KDR: variants seen among roughly 807,000 people sequenced by gnomAD.
KDR encodes vascular endothelial growth factor receptor 2.
Under a neutral mutation model 160.9 loss-of-function variants are expected in KDR, and 43 were observed. That is an observed-to-expected ratio of 0.27 (90% CI 0.21 to 0.34). The LOEUF is 0.34. KDR is among the 10% of genes least tolerant of loss of function. The pLI is 1.00. For missense variants in KDR, 1,469 were observed against 1,666.4 expected (o/e 0.88, Z 2.06); for synonymous variants, 617 against 600.1 (o/e 1.03, Z -0.41).
chr4:55,101,820 A>G, intron 15 of KDR, 77 bp downstream of exon 15: 1 of 1,265,422 alleles, frequency 7.9e-7, no homozygotes, highest in Non-Finnish European at 1.1e-6. Context: ...GCTGCAAAGG[A>G]CATGATCAGA....
chr4:55,108,795 T>G (rs1338088188), intron 9 of KDR, among the ~76,000 whole-genome samples: 1 of 152,098 alleles, frequency 6.6e-6, no homozygotes. Flanking sequence ...CTTTCTTTCT[T>G]TTTTGACTCC....
In KDR at chr4:55,114,135, A is replaced by C; in HGVS notation, c.789T>G (p.Pro263=). Residue 263 remains proline, a synonymous_variant, in exon 6 of 30, where the codon CCT becomes CCG. Coordinates refer to ENST00000263923, the MANE Select transcript of KDR (RefSeq NM_002253.4). The stretch of plus-strand genomic sequence containing the variant: ...GAATCATTAGCGTTACCTTCGAAGA[A>C]GGGTATTCCCAGTTGAAGTCAATCC... ...NVGIDFNWEY[P]SSKHQHKKLV... 1 of 1,614,026 alleles carries C rather than the reference A, an allele frequency of 6.2e-7. No homozygotes were observed. The highest frequency in any genetic ancestry group is 8.5e-7 in the Non-Finnish European group (1 of 1,179,894).
At chr4:55,113,168 G>A in intron 7 of KDR, 136 bp downstream of exon 7, 2 of 902,028 alleles carry the variant, frequency 2.2e-6, no homozygotes, top group African/African-American at 1.6e-5. Context: ...TGACCTCTAG[G>A]TCATGTGGCC....
At chr4:55,125,076 C>G (rs1720996717) in intron 1 of KDR, 151 bp downstream of exon 1, 1 of 774,946 alleles carries the variant, frequency 1.3e-6, no homozygotes, top group South Asian at 1.5e-5. Flanking sequence ...AGTCTCTGAG[C>G]CTCAGTTTCC....
chr4:55,118,587 T>C lies in KDR; in HGVS notation c.358+17A>G, dbSNP rs775110158. Reference sequence around the variant, plus strand: ...TGGTAAAGAGACGTGGGAAATGAATTTTATTTCACCACTTACCTTGAACAT... The same window carrying C: ...TGGTAAAGAGACGTGGGAAATGAATCTTATTTCACCACTTACCTTGAACAT... On this transcript the variant is annotated intron_variant, in intron 3 of 29. Transcript: ENST00000263923. 2 of 1,602,576 alleles carry C rather than the reference T, an allele frequency of 1.2e-6. No homozygotes were observed. Among genetic ancestry groups the C allele is most frequent in the East Asian group, 4.5e-5 (2 of 44,822 alleles).
intron 15 of KDR, among the ~76,000 whole-genome samples, chr4:55,101,275 A>G (rs1720303999): frequency 6.6e-6 from 1 of 152,220 alleles, no homozygotes; most frequent in Admixed American, 6.5e-5. Context: ...GAATTTTTCC[A>G]CAATAAGAAC....
Position 55,106,043 on chromosome 4 carries a change from A to G in KDR, c.1537-103T>C, listed in dbSNP as rs1720439098. 7 of 797,466 alleles carry G rather than the reference A, an allele frequency of 8.8e-6. No individual in the cohort carries two copies. In the East Asian group the frequency reaches 1.7e-4, roughly 19 times the overall value. 49.4% of individuals were successfully genotyped at this position (797,466 alleles called of 1,614,324 possible). ...ACAATCACTCCAACCTGCCTATGCC[A>G]TTCCCACTTCTGCAGCGGTTGGACA... is the stretch of plus-strand genomic sequence containing the variant. On this transcript the variant is annotated intron_variant, in intron 11 of 29. Coordinates refer to ENST00000263923, the MANE Select transcript of KDR (RefSeq NM_002253.4).
chr4:55,101,961 G>A lies in KDR; in HGVS notation c.2202C>T (p.Leu734=), dbSNP rs758886618. ...IRRVRKEDEG[L]YTCQACSVLG... Reference sequence around the variant, plus strand: ...GAACACTGCATGCCTGGCAGGTGTAGAGGCCTTCGTCCTCCTTCCTCACTC... The same window carrying A: ...GAACACTGCATGCCTGGCAGGTGTAAAGGCCTTCGTCCTCCTTCCTCACTC... The change falls in exon 15 of 30, where the codon CTC becomes CTT. Residue 734 remains leucine (L), a synonymous_variant. Coordinates refer to ENST00000263923, the MANE Select transcript of KDR (RefSeq NM_002253.4). The A allele has an allele frequency of 6.2e-7, 1 of 1,613,734 alleles. No homozygotes were observed. The highest frequency in any genetic ancestry group is 1.7e-5 in the Admixed American group (1 of 59,972).
intron 9 of KDR, 119 bp from the exon 10 acceptor site, chr4:55,108,012 T>A: frequency 9.4e-7 from 1 of 1,063,462 alleles, no homozygotes; most frequent in Non-Finnish European, 1.4e-6. Context: ...CACTTTCTTT[T>A]TCGAAGAACA....
intron 26 of KDR, 122 bp downstream of exon 26, chr4:55,088,746 A>G: frequency 2.7e-6 from 2 of 731,054 alleles, no homozygotes; most frequent in East Asian, 2.6e-5. Flanking sequence ...ATGTAGAAGA[A>G]TACAGTAGAT....
At position 55,124,621 on chromosome 4, in the gene KDR, C is replaced by T. The variant is rs986396654; in HGVS notation, c.67+606G>A. Among the ~76,000 whole-genome samples, 8 of 152,234 alleles carry T rather than the reference C, an allele frequency of 5.3e-5. No individual in the cohort carries two copies. In the East Asian group the frequency reaches 1.5e-3, roughly 29 times the overall value. ...CCCAGGACAAGTCCCTATTCCCCCCCTTCTTCGCTCTGCAAGGAGAGCGGC... is the reference window on the plus strand; with the variant it reads ...CCCAGGACAAGTCCCTATTCCCCCCTTTCTTCGCTCTGCAAGGAGAGCGGC... On this transcript the variant is annotated intron_variant, in intron 1 of 29. Coordinates refer to ENST00000263923, the MANE Select transcript of KDR (RefSeq NM_002253.4).
At position 55,092,766 on chromosome 4, in the gene KDR, A is replaced by G. The variant is rs375082311; in HGVS notation, c.2972-52T>C. On this transcript the variant is annotated intron_variant, in intron 21 of 29. Coordinates refer to ENST00000263923, the MANE Select transcript of KDR (RefSeq NM_002253.4). ...ATCAGTATTTCCATGAGTTAGTGTGATGTTTCTAAGTTTGCTAGAGTAATA... is the reference window on the plus strand; with the variant it reads ...ATCAGTATTTCCATGAGTTAGTGTGGTGTTTCTAAGTTTGCTAGAGTAATA... 295 of 1,288,628 alleles carry G rather than the reference A, an allele frequency of 2.3e-4. 2 individuals are homozygous for G. The highest frequency in any genetic ancestry group is 3.3e-4 in the Non-Finnish European group (288 of 884,452). The allele number at this position is 1,288,628 out of a possible 1,614,324, so 79.8% of individuals were successfully genotyped here.
At chr4:55,095,723 G>A (rs41279529) in intron 19 of KDR, 58 bp from the exon 20 acceptor site, 20,211 of 1,245,316 alleles carry the variant, frequency 0.016, 280 homozygotes, top group Non-Finnish European at 0.017. Context: ...CTCACTAAGC[G>A]TTTAATATAG....
At chr4:55,092,488 C>A in intron 22 of KDR, 129 bp downstream of exon 22, 1 of 734,982 alleles carries the variant, frequency 1.4e-6, no homozygotes. Context: ...CCCAGTAGAG[C>A]TCTTCTAAAA....
At chr4:55,095,904 C>T (rs531298436) in intron 19 of KDR, among the ~76,000 whole-genome samples, 1 of 152,276 alleles carries the variant, frequency 6.6e-6, no homozygotes, top group South Asian at 2.1e-4. Context: ...ACTTGCTTTT[C>T]AGTGCAATCT....
intron 21 of KDR, among the ~76,000 whole-genome samples, chr4:55,092,953 C>T (rs1720056017): frequency 6.6e-6 from 1 of 152,078 alleles, no homozygotes; most frequent in Admixed American, 6.5e-5. Context: ...ACCAGTAAAT[C>T]CAGGAGGTAG....
chr4:55,113,786 G>A (rs1005588149), intron 6 of KDR, among the ~76,000 whole-genome samples: 2 of 152,222 alleles, frequency 1.3e-5, no homozygotes, highest in Non-Finnish European at 2.9e-5. Flanking sequence ...ACCTCTTAAA[G>A]AGAAATTCCC....
chr4:55,096,256 G>A lies in KDR; in HGVS notation c.2701C>T (p.Leu901Phe). Residue 901 changes from leucine (L) to phenylalanine (F), a missense_variant, in exon 19 of 30, where the codon CTT (leucine) becomes TTT (phenylalanine). Coordinates refer to ENST00000263923, the MANE Select transcript of KDR (RefSeq NM_002253.4). ...HIGHHLNVVN[L>F]LGACTKPGGP... ...CCTGGCTTGGTACAGGCACCTAGAA[G>A]GTTGACCACATTGAGATGGTGACCA... The A allele has an allele frequency of 1.9e-6, 3 of 1,613,126 alleles. No individual in the cohort carries two copies. The highest frequency in any genetic ancestry group is 2.5e-6 in the Non-Finnish European group (3 of 1,179,326).
At chr4:55,087,503 G>C (rs2110009083) in intron 27 of KDR, 104 bp downstream of exon 27, 2 of 990,736 alleles carry the variant, frequency 2.0e-6, no homozygotes, top group Non-Finnish European at 3.1e-6. Flanking sequence ...TGTGGAAGTG[G>C]GATGCAACAG....
Sources: gnomAD v4.1 joint callset for allele counts (sites outside exome capture counted in the v4.1 genomes callset) on GRCh38, gnomAD v4.1.1 for gene constraint, MANE v1.5 for transcripts, NCBI Gene and HGNC (gene_info 2026-07-23, HGNC 2026-07-21) for gene names.